Variants in PCDHGA1 observed in about 807,000 individuals in gnomAD.
PCDHGA1 encodes protocadherin gamma subfamily A, 1.
In PCDHGA1, 32 loss-of-function variants were observed where a neutral mutation model predicts 58.0. The ratio of observed to expected loss-of-function variants is 0.55; its 90% CI spans 0.42 to 0.74. PCDHGA1 has a LOEUF of 0.74. Ranked by LOEUF, PCDHGA1 falls within the 30% of genes least tolerant of loss-of-function variation. PCDHGA1 has a pLI of 0.00. For synonymous variants in PCDHGA1, 498 were observed against 501.1 expected, an observed-to-expected ratio of 0.99 and a Z score of 0.08; for missense variants, 1,205 against 1,182.3, an observed-to-expected ratio of 1.02 and a Z score of -0.28.
rs150858414 is a variant in PCDHGA1, at chr5:141,363,022, A to G, written c.2421+29917A>G. ...GTTAATCACAGGGCATGGGTAGGACATTGTCCCATTGACTTGAAGACCAAC... is the reference window on the plus strand; with the variant it reads ...GTTAATCACAGGGCATGGGTAGGACGTTGTCCCATTGACTTGAAGACCAAC... On this transcript the variant is annotated intron_variant, in intron 1 of 3. Coordinates refer to ENST00000517417, the MANE Select transcript of PCDHGA1 (RefSeq NM_018912.3). Among the ~76,000 whole-genome samples the G allele has an allele frequency of 4.1e-3, 621 of 152,372 alleles. 7 individuals are homozygous for G. Among genetic ancestry groups the G allele is most frequent in the South Asian group, 0.03 (143 of 4,830 alleles).
At chr5:141,395,072 T>C in intron 1 of PCDHGA1, 1 of 1,614,148 alleles carries the variant, frequency 6.2e-7, no homozygotes, top group Non-Finnish European at 8.5e-7. Context: ...TGCAGACCTA[T>C]TCCCAGGAAG....
At chr5:141,463,610 G>A (rs189991450) in intron 1 of PCDHGA1, among the ~76,000 whole-genome samples, 2 of 151,672 alleles carry the variant, frequency 1.3e-5, no homozygotes, top group Admixed American at 6.6e-5. Flanking sequence ...CACCATGCCC[G>A]GCTAATTTTT....
In PCDHGA1 at chr5:141,485,609, G is replaced by A. The variant is rs1432367043; in HGVS notation, c.2422-9198G>A. The A allele has an allele frequency of 6.2e-7, 1 of 1,612,252 alleles. No homozygotes were observed. Among genetic ancestry groups the A allele is most frequent in the Non-Finnish European group, 8.5e-7 (1 of 1,178,656 alleles). On this transcript the variant is annotated intron_variant, in intron 1 of 3. Transcript: ENST00000517417. This position sits in a 1 kb window ranked among gnomAD's most constrained non-coding sequence, Gnocchi z 5.7. ...GCTGGACTTGGAAATTGGGGAGGCA[G>A]CTCCTCCAGGACAGCGTTTCCCGTT...
chr5:141,393,742 A>T, intron 1 of PCDHGA1: 1 of 1,613,902 alleles, frequency 6.2e-7, no homozygotes, highest in Non-Finnish European at 8.5e-7. Flanking sequence ...CTAGATTATG[A>T]AGAATGTTCA....
chr5:141,338,565 G>T (rs188538651), intron 1 of PCDHGA1, among the ~76,000 whole-genome samples: 1 of 152,272 alleles, frequency 6.6e-6, no homozygotes, highest in Admixed American at 6.5e-5. Context: ...TATTAATCCT[G>T]ATAAAAAGAT....
At chr5:141,488,519 G>C (rs1210943979) in intron 1 of PCDHGA1, among the ~76,000 whole-genome samples, 1 of 152,184 alleles carries the variant, frequency 6.6e-6, no homozygotes, top group Non-Finnish European at 1.5e-5. Flanking sequence ...GGGGTCTGGG[G>C]TGTCAGAAAA....
intron 1 of PCDHGA1, among the ~76,000 whole-genome samples, chr5:141,363,451 T>C (rs545023323): frequency 6.6e-6 from 1 of 152,378 alleles, no homozygotes; most frequent in Non-Finnish European, 1.5e-5. Context: ...TCAGTACTTC[T>C]CGACAAGTAT....
intron 2 of PCDHGA1, among the ~76,000 whole-genome samples, chr5:141,496,334 G>T (rs959266723): frequency 2.6e-5 from 4 of 152,240 alleles, no homozygotes; most frequent in Admixed American, 6.5e-5. Context: ...GAAGTCAGGA[G>T]CCTGGAGGAG....
At position 141,386,477 on chromosome 5, in the gene PCDHGA1, G is replaced by A. The variant is rs78371655; in HGVS notation, c.2421+53372G>A. ...GACAGCTTGAACCCAAGAATTGGAG[G>A]CCCACCTAGATAATATAACAAGACT... is the stretch of plus-strand genomic sequence containing the variant. On this transcript the variant is annotated intron_variant, in intron 1 of 3. Coordinates refer to ENST00000517417, the MANE Select transcript of PCDHGA1 (RefSeq NM_018912.3). Among the ~76,000 whole-genome samples the A allele has an allele frequency of 2.5e-3, 384 of 151,668 alleles. 1 individual carries two copies. Among genetic ancestry groups the A allele is most frequent in the African/African-American group, 8.8e-3 (362 of 41,292 alleles).
Position 141,485,739 on chromosome 5 carries a change from G to A in PCDHGA1, c.2422-9068G>A. 6.2e-7 allele frequency: 1 copy of A among 1,614,234 alleles called. No individual in the cohort carries two copies. Among genetic ancestry groups the A allele is most frequent in the Non-Finnish European group, 8.5e-7 (1 of 1,180,042 alleles). ...GATGTGAAGAAGCGCAGCGACGGCA[G>A]CCTGGTCCCAGAGCTGCTCCTGGAG... On this transcript the variant is annotated intron_variant, in intron 1 of 3. Transcript: ENST00000517417. The surrounding 1 kb of genome is among the most constrained non-coding windows in gnomAD (Gnocchi z 5.7).
At position 141,344,642 on chromosome 5, in the gene PCDHGA1, G is replaced by GA. The variant is rs766211480; in HGVS notation, c.2421+11543dup. On this transcript the variant is annotated intron_variant, in intron 1 of 3. Transcript: ENST00000517417. ...TGCTGGAGCGGGCCCTGGACCGTGA[G>GA]AAAAAAGAAATTCACCAGCTTGTCC... 2.5e-6 allele frequency: 4 copies of GA among 1,613,938 alleles called. No homozygotes were observed. In the Admixed American group the frequency reaches 5.0e-5, roughly 20 times the overall value.
chr5:141,432,014 A>G lies in PCDHGA1; in HGVS notation c.2422-62793A>G, dbSNP rs778393699. The G allele has an allele frequency of 1.5e-5, 25 of 1,614,078 alleles. No individual in the cohort carries two copies. The highest frequency in any genetic ancestry group is 2.0e-5 in the Non-Finnish European group (24 of 1,180,036). ...GGATAGGGAACAGGTTCCTAGCTAC[A>G]ACATCACAGTGACCGCCACTGACCG... On this transcript the variant is annotated intron_variant, in intron 1 of 3. Coordinates refer to ENST00000517417, the MANE Select transcript of PCDHGA1 (RefSeq NM_018912.3). This position sits in a 1 kb window ranked among gnomAD's most constrained non-coding sequence, Gnocchi z 6.0.
intron 1 of PCDHGA1, chr5:141,424,411 C>T (rs1259102577): frequency 6.6e-6 from 1 of 152,154 alleles, no homozygotes; most frequent in Admixed American, 6.5e-5. Flanking sequence ...GGTGAAGTTA[C>T]ATTGACTGTT....
intron 1 of PCDHGA1, chr5:141,413,729 GAGTTC>G: frequency 6.2e-7 from 1 of 1,613,496 alleles, no homozygotes; most frequent in Non-Finnish European, 8.5e-7. Flanking sequence ...TTCTCCCTAA[GAGTTC>G]AGAGCCGTGC....
intron 1 of PCDHGA1, among the ~76,000 whole-genome samples, chr5:141,444,402 C>A (rs916833331): frequency 6.6e-6 from 1 of 151,932 alleles, no homozygotes; most frequent in Admixed American, 6.6e-5. Flanking sequence ...AACTCCCAAC[C>A]TCAGGTGATC....
intron 1 of PCDHGA1, chr5:141,423,381 G>T (rs2154550114): frequency 6.2e-7 from 1 of 1,614,204 alleles, no homozygotes; most frequent in East Asian, 2.2e-5. Flanking sequence ...TCAGGCTGTG[G>T]CGCTGGCATA....
At chr5:141,376,603 G>A (rs1772884003) in intron 1 of PCDHGA1, 1 of 1,516,632 alleles carries the variant, frequency 6.6e-7, no homozygotes, top group East Asian at 2.3e-5. Context: ...TGTTATAGAA[G>A]CGAACCTCTT....
chr5:141,364,856 C>G (rs748996283), intron 1 of PCDHGA1: 1 of 1,614,006 alleles, frequency 6.2e-7, no homozygotes, highest in Non-Finnish European at 8.5e-7. Flanking sequence ...CAGCTCCAAT[C>G]TGCACTTCTC....
intron 1 of PCDHGA1, chr5:141,372,479 G>A (rs568230269): frequency 1.9e-6 from 3 of 1,614,020 alleles, no homozygotes; most frequent in African/African-American, 2.7e-5. Flanking sequence ...TAGTAGTGGC[G>A]TTGGCCTTGA....
Sources: allele counts gnomAD v4.1 joint callset (sites outside exome capture counted in the v4.1 genomes callset), GRCh38; gene constraint gnomAD v4.1.1; non-coding constraint Gnocchi (gnomAD v3.1); transcripts MANE v1.5; gene names NCBI Gene and HGNC (gene_info 2026-07-23, HGNC 2026-07-21).